PDGFD: variants seen among roughly 807,000 people sequenced by gnomAD.
The protein encoded by PDGFD is platelet derived growth factor D.
PDGFD carries 30 observed loss-of-function variants against 44.7 expected under a neutral mutation model. The ratio of observed to expected loss-of-function variants is 0.67; its 90% CI spans 0.50 to 0.91. The LOEUF (loss-of-function observed/expected upper bound fraction) is 0.91. PDGFD is among the 40% of genes least tolerant of loss of function. The pLI, the probability that PDGFD is intolerant of heterozygous loss-of-function variation, is 0.00. For missense variants in PDGFD, 445 were observed against 457.8 expected (o/e 0.97, Z 0.25); for synonymous variants, 173 against 168.4 (o/e 1.03, Z -0.21).
At chr11:104,100,311 T>C (rs1861355648) in intron 1 of PDGFD, among the ~76,000 whole-genome samples, 1 of 152,046 alleles carries the variant, frequency 6.6e-6, no homozygotes, top group Non-Finnish European at 1.5e-5. Flanking sequence ...AAATACAAAC[T>C]ACCATCAGAG....
At chr11:103,927,219 G>A (rs1460334033) in intron 5 of PDGFD, 93 bp from the exon 6 acceptor site, 10 of 1,127,208 alleles carry the variant, frequency 8.9e-6, no homozygotes, top group African/African-American at 1.5e-5. Flanking sequence ...AAGATTCTGT[G>A]AGGACAACTT....
chr11:104,032,543 TA>T (rs1185115372), intron 1 of PDGFD, among the ~76,000 whole-genome samples: 2 of 152,184 alleles, frequency 1.3e-5, no homozygotes, highest in South Asian at 2.1e-4. Context: ...GTAGGTATTC[TA>T]TTTTTTTTCA....
intron 1 of PDGFD, among the ~76,000 whole-genome samples, chr11:104,097,508 T>C (rs1291441546): frequency 6.6e-6 from 1 of 152,118 alleles, no homozygotes; most frequent in African/African-American, 2.4e-5. Flanking sequence ...AACATGAGCA[T>C]CTAGAACAAT....
intron 3 of PDGFD, among the ~76,000 whole-genome samples, chr11:103,987,287 C>T (rs1300480071): frequency 6.6e-6 from 1 of 152,176 alleles, no homozygotes; most frequent in Admixed American, 6.5e-5. Flanking sequence ...ATCCTCCTTC[C>T]TTTCCCACCC....
rs145893324 is a variant in PDGFD, at chr11:104,019,812, T to C, written c.125-19557A>G. Among the ~76,000 whole-genome samples the C allele has an allele frequency of 3.1e-4, 46 of 150,792 alleles. No individual in the cohort carries two copies. The East Asian group carries it at 7.9e-3, about 26-fold the overall frequency. On this transcript the variant is annotated intron_variant, in intron 1 of 6. Coordinates refer to ENST00000393158, the MANE Select transcript of PDGFD (RefSeq NM_025208.5). ...TCTATTATAGAAGGGCTGACATAAA[T>C]GAACTTTTAAAAATAAAAATGTGTT...
chr11:104,042,779 C>T (rs2134400338), intron 1 of PDGFD, among the ~76,000 whole-genome samples: 1 of 152,254 alleles, frequency 6.6e-6, no homozygotes, highest in East Asian at 1.9e-4. Flanking sequence ...TAAATTCTTA[C>T]CCTACACCAT....
At chr11:104,004,099 T>C (rs1859662546) in intron 1 of PDGFD, among the ~76,000 whole-genome samples, 1 of 152,168 alleles carries the variant, frequency 6.6e-6, no homozygotes, top group Non-Finnish European at 1.5e-5. Context: ...AGGGGACTCT[T>C]TTTTCTAAAA....
intron 1 of PDGFD, among the ~76,000 whole-genome samples, chr11:104,122,343 T>G (rs559342371): frequency 1.3e-5 from 2 of 152,114 alleles, no homozygotes; most frequent in African/African-American, 2.4e-5. Flanking sequence ...AAGATTAGGG[T>G]TGGGGAGGCC....
chr11:103,920,932 G>A (rs1465498399), intron 6 of PDGFD, among the ~76,000 whole-genome samples: 2 of 152,182 alleles, frequency 1.3e-5, no homozygotes, highest in African/African-American at 4.8e-5. Flanking sequence ...AGGATAAAGT[G>A]TAACAACAGA....
chr11:103,957,710 T>C (rs573680472), intron 3 of PDGFD, among the ~76,000 whole-genome samples: 2 of 152,254 alleles, frequency 1.3e-5, no homozygotes, highest in Non-Finnish European at 2.9e-5. Context: ...CAAATCCCAG[T>C]CCAGCAAGCT....
intron 1 of PDGFD, among the ~76,000 whole-genome samples, chr11:104,081,305 T>C (rs1223975419): frequency 2.0e-5 from 3 of 152,182 alleles, no homozygotes; most frequent in Non-Finnish European, 2.9e-5. Flanking sequence ...TTATGCATAA[T>C]CCTAAAAAGA....
At chr11:104,061,539 T>C (rs1419911733) in intron 1 of PDGFD, among the ~76,000 whole-genome samples, 1 of 152,228 alleles carries the variant, frequency 6.6e-6, no homozygotes, top group Non-Finnish European at 1.5e-5. Flanking sequence ...AAATGTGATA[T>C]ATTCATCCAA....
rs1033445031 is a variant in PDGFD at position 103,908,162 on chromosome 11, C to T, written c.*1532G>A. 6.6e-6 allele frequency: 1 copy of T among 152,160 alleles called. No homozygotes were observed. Among genetic ancestry groups the T allele is most frequent in the Non-Finnish European group, 1.5e-5 (1 of 68,036 alleles). 9.4% of individuals were successfully genotyped at this position (152,160 alleles called of 1,614,324 possible). On this transcript the variant is annotated 3_prime_UTR_variant, in exon 7 of 7. Transcript: ENST00000393158. ...TCTGCTTTCCTTTTAACTTTCAAGG[C>T]AATAAGAAAAATGTAGTTCTCTGTT...
chr11:104,121,042 TA>T (rs1480611544), intron 1 of PDGFD, among the ~76,000 whole-genome samples: 1 of 152,028 alleles, frequency 6.6e-6, no homozygotes, highest in Non-Finnish European at 1.5e-5. Context: ...TTCTGAGAAG[TA>T]AATGATTTCC....
intron 3 of PDGFD, among the ~76,000 whole-genome samples, chr11:103,962,969 T>C (rs180723442): frequency 1.2e-3 from 184 of 152,284 alleles, no homozygotes; most frequent in South Asian, 1.7e-3. Flanking sequence ...AGTCAGACTC[T>C]GCATGCAAAT....
chr11:104,089,247 A>C (rs1440513155), intron 1 of PDGFD, among the ~76,000 whole-genome samples: 3 of 152,180 alleles, frequency 2.0e-5, no homozygotes, highest in Non-Finnish European at 4.4e-5. Flanking sequence ...CAGAGAATTA[A>C]TTTATACTGA....
chr11:104,142,235 T>A (rs1273709463), intron 1 of PDGFD, among the ~76,000 whole-genome samples: 1 of 152,200 alleles, frequency 6.6e-6, no homozygotes, highest in African/African-American at 2.4e-5. Context: ...TATGTATTCA[T>A]GTGTGAATAT....
At chr11:103,937,885 A>T in intron 5 of PDGFD, among the ~76,000 whole-genome samples, 1 of 151,834 alleles carries the variant, frequency 6.6e-6, no homozygotes, top group African/African-American at 2.4e-5. Flanking sequence ...ACACGAACTC[A>T]TCATTTTTTA....
chr11:103,943,361 TG>T, intron 5 of PDGFD, 90 bp downstream of exon 5: 1 of 1,252,716 alleles, frequency 8.0e-7, no homozygotes, highest in Non-Finnish European at 1.1e-6. Context: ...AAAAGACTTC[TG>T]GTTTCAAATA....
Sources: gnomAD v4.1 joint callset for allele counts (sites outside exome capture counted in the v4.1 genomes callset) on GRCh38, gnomAD v4.1.1 for gene constraint, MANE v1.5 for transcripts, NCBI Gene and HGNC (gene_info 2026-07-23, HGNC 2026-07-21) for gene names.